The following ODAD3 variants were observed in gnomAD, a reference collection of about 807,000 sequenced individuals.
The protein encoded by ODAD3 is outer dynein arm docking complex subunit 3.
ODAD3 carries 57 observed loss-of-function variants against 70.9 expected under a neutral mutation model. That is an observed-to-expected ratio of 0.80 (90% CI 0.65 to 1.00). The LOEUF is 1.00. Ranked by LOEUF, ODAD3 falls within the 50% of genes least tolerant of loss-of-function variation. The pLI, the probability that ODAD3 is intolerant of heterozygous loss-of-function variation, is 0.00. For synonymous variants in ODAD3, 327 were observed against 315.9 expected (o/e 1.04, Z -0.37); for missense variants, 797 against 763.9 (o/e 1.04, Z -0.51).
At chr19:11,433,891 C>T (rs1294466580) in intron 1 of ODAD3, among the ~76,000 whole-genome samples, 3 of 152,204 alleles carry the variant, frequency 2.0e-5, no homozygotes, top group South Asian at 2.1e-4. Context: ...CCAACCACTA[C>T]ACTCCAGCCT....
At chr19:11,421,911 T>C (rs1259881278) in intron 10 of ODAD3, 79 bp from the exon 11 acceptor site, 3 of 1,500,782 alleles carry the variant, frequency 2.0e-6, no homozygotes, top group Non-Finnish European at 1.8e-6. Context: ...GGGCTTTTCT[T>C]TCGGGGGCGG....
intron 1 of ODAD3, among the ~76,000 whole-genome samples, chr19:11,432,374 A>G (rs1399520289): frequency 6.6e-6 from 1 of 152,084 alleles, no homozygotes; most frequent in Non-Finnish European, 1.5e-5. Flanking sequence ...TCAGCCTCCC[A>G]AGTAGCTAGG....
chr19:11,431,565 C>T (rs538501885), intron 1 of ODAD3, among the ~76,000 whole-genome samples: 9 of 150,850 alleles, frequency 6.0e-5, no homozygotes, highest in East Asian at 4.0e-4. Flanking sequence ...TAGAGGCGGG[C>T]GGATCACCTG....
chr19:11,430,682 G>A lies in ODAD3; in HGVS notation c.444+17C>T. 2 of 1,613,812 alleles carry A rather than the reference G, an allele frequency of 1.2e-6. No individual in the cohort carries two copies. The highest frequency in any genetic ancestry group is 1.7e-6 in the Non-Finnish European group (2 of 1,179,786). ...AGGCTGGAAATGAAGGAGGAGGTGG[G>A]GCGAGGGTGGGCAAACCTGTCCTGT... On this transcript the variant is annotated intron_variant, in intron 3 of 12. Coordinates refer to ENST00000356392, the MANE Select transcript of ODAD3 (RefSeq NM_145045.5).
chr19:11,431,211 A>C, intron 1 of ODAD3, 191 bp from the exon 2 acceptor site: 1 of 630,530 alleles, frequency 1.6e-6, no homozygotes, highest in South Asian at 2.0e-5. Flanking sequence ...TCCCGGGTTC[A>C]AGAGATTCTC....
At position 11,429,855 on chromosome 19, in the gene ODAD3, T is replaced by TTA. The variant is rs1437810004; in HGVS notation, c.444+843_444+844insTA. On this transcript the variant is annotated intron_variant, in intron 3 of 12. Transcript: ENST00000356392. Reference sequence around the variant, plus strand: ...GCCCAGCCTTTTTTTTTTTTTTTTTTAAAGAAACAGGTTGTACTGTCACTC... The same window carrying TTA: ...GCCCAGCCTTTTTTTTTTTTTTTTTTTAAAAGAAACAGGTTGTACTGTCACTC... Among the ~76,000 whole-genome samples the TTA allele has an allele frequency of 2.8e-3, 411 of 148,464 alleles. 3 individuals carry two copies. Among genetic ancestry groups the TTA allele is most frequent in the African/African-American group, 9.9e-3 (392 of 39,422 alleles).
intron 3 of ODAD3, among the ~76,000 whole-genome samples, chr19:11,428,262 G>A (rs942025143): frequency 1.3e-5 from 2 of 151,832 alleles, no homozygotes; most frequent in Non-Finnish European, 2.9e-5. Flanking sequence ...TGTTTTTTGA[G>A]ATGGGGTCTC....
chr19:11,428,130 C>G (rs971326758), intron 3 of ODAD3, among the ~76,000 whole-genome samples: 3 of 151,644 alleles, frequency 2.0e-5, no homozygotes, highest in African/African-American at 7.3e-5. Flanking sequence ...GAGGCAGGGT[C>G]TCGCTATGTG....
At chr19:11,424,531 GTA>G (rs1407523624) in intron 7 of ODAD3, among the ~76,000 whole-genome samples, 1 of 131,052 alleles carries the variant, frequency 7.6e-6, no homozygotes, top group Non-Finnish European at 1.6e-5. Context: ...ATGTATATAT[GTA>G]TATATGTGTA....
chr19:11,433,720 AG>A (rs1969554445), intron 1 of ODAD3, among the ~76,000 whole-genome samples: 1 of 152,108 alleles, frequency 6.6e-6, no homozygotes, highest in Non-Finnish European at 1.5e-5. Flanking sequence ...TGAGCCCAGG[AG>A]TTTGAGACCA....
chr19:11,423,012 G>A (rs1969178833), intron 8 of ODAD3, 151 bp from the exon 9 acceptor site: 1 of 854,910 alleles, frequency 1.2e-6, no homozygotes, highest in Non-Finnish European at 1.8e-6. Flanking sequence ...ACTGTGGGTT[G>A]GACGCAGGGT....
chr19:11,435,346 T>G, upstream of ODAD3: 1 of 538,576 alleles, frequency 1.9e-6, no homozygotes, highest in South Asian at 2.1e-5. Context: ...TCATTCCGTT[T>G]CCCTACCTCC....
In ODAD3 at chr19:11,420,729, C is replaced by T; in HGVS notation, c.*106G>A. 1.0e-6 allele frequency: 1 copy of T among 967,588 alleles called. No homozygotes were observed. Among genetic ancestry groups the T allele is most frequent in the Non-Finnish European group, 1.6e-6 (1 of 631,524 alleles). The allele number at this position is 967,588 out of a possible 1,614,324, so 59.9% of individuals were successfully genotyped here. On this transcript the variant is annotated 3_prime_UTR_variant, in exon 13 of 13. Transcript: ENST00000356392. ...GGGCGCCGCTGGCCGCCTCCGTTCC[C>T]GGTCCGGGCCGCGTTCAGCCCCTGA...
chr19:11,422,715 C>T lies in ODAD3; in HGVS notation c.1263G>A (p.Glu421=). The part of the protein sequence containing the change: ...RELEDLKYSG[E]ATLVSQQKLQ... ...CGGTGCCTCACCTCACCAGCGTGGC[C>T]TCCCCCGAGTACTTGAGGTCTTCCA... Residue 421 remains glutamate, a synonymous_variant, in exon 9 of 13, where the codon GAG becomes GAA. Transcript: ENST00000356392. This position sits in a 1 kb window ranked among gnomAD's most constrained non-coding sequence, Gnocchi z 4.6. The T allele has an allele frequency of 6.2e-7, 1 of 1,612,674 alleles. No homozygotes were observed. The highest frequency in any genetic ancestry group is 2.2e-5 in the East Asian group (1 of 44,882).
Position 11,423,865 on chromosome 19 carries a change from GGC to G in ODAD3, c.1116+10_1116+11del, listed in dbSNP as rs781271412. 3.1e-6 allele frequency: 5 copies of G among 1,602,070 alleles called. No individual in the cohort carries two copies. The South Asian group carries it at 5.5e-5, about 18-fold the overall frequency. On this transcript the variant is annotated intron_variant, in intron 8 of 12. Coordinates refer to ENST00000356392, the MANE Select transcript of ODAD3 (RefSeq NM_145045.5). The stretch of plus-strand genomic sequence containing the variant: ...GGGGGGCGCGGCGGAGAGGGCTGCG[GGC>G]AGAACTCACGTGCGTCTCGTCAGTG...
At chr19:11,432,876 C>T (rs564275024) in intron 1 of ODAD3, among the ~76,000 whole-genome samples, 1 of 152,084 alleles carries the variant, frequency 6.6e-6, no homozygotes. Context: ...TCACCGCAAC[C>T]TCCACCTCCT....
At chr19:11,435,134 C>T (rs979291266), upstream of ODAD3, 5 of 1,461,166 alleles carry the variant, frequency 3.4e-6, no homozygotes, top group African/African-American at 7.1e-5. Context: ...TTTCCGACCG[C>T]TAGGTGGTTG....
chr19:11,434,884 C>T lies in ODAD3; in HGVS notation c.133G>A (p.Ala45Thr), dbSNP rs200252213. ...KPSHLRGKGT[A>T]QAWTPGRSKG... The stretch of plus-strand genomic sequence containing the variant: ...GAACGGCCTGGGGTCCACGCCTGGG[C>T]TGTGCCCTTGCCTCGGAGGTGGCTG... Residue 45 changes from alanine (A) to threonine (T), a missense_variant, in exon 1 of 13, where the codon GCC becomes ACC. Coordinates refer to ENST00000356392, the MANE Select transcript of ODAD3 (RefSeq NM_145045.5). The T allele has an allele frequency of 6.8e-5, 110 of 1,614,074 alleles. No homozygotes were observed. The highest frequency in any genetic ancestry group is 9.2e-5 in the Non-Finnish European group (109 of 1,180,054).
intron 3 of ODAD3, 90 bp from the exon 4 acceptor site, chr19:11,427,130 G>A: frequency 7.2e-7 from 1 of 1,384,554 alleles, no homozygotes; most frequent in South Asian, 1.5e-5. Context: ...CCCACACTGT[G>A]GCTTCCAGGA....
Sources: gnomAD v4.1 joint callset for allele counts (sites outside exome capture counted in the v4.1 genomes callset) on GRCh38, gnomAD v4.1.1 for gene constraint, Gnocchi (gnomAD v3.1) non-coding constraint, MANE v1.5 for transcripts, NCBI Gene and HGNC (gene_info 2026-07-23, HGNC 2026-07-21) for gene names.